The following GPC6 variants were observed in gnomAD, a reference collection of about 807,000 sequenced individuals.
GPC6 encodes the protein glypican-6.
In GPC6, 14 loss-of-function variants were observed where a neutral mutation model predicts 55.2. The observed-to-expected ratio is 0.25, with a 90% CI of 0.17 to 0.40. The LOEUF is 0.40. Ranked by LOEUF, GPC6 falls within the 10% of genes least tolerant of loss-of-function variation. The pLI is 1.00. For missense variants in GPC6, 641 were observed against 708.5 expected (o/e 0.90, Z 1.08); for synonymous variants, 278 against 259.6 (o/e 1.07, Z -0.68).
At chr13:94,246,102 C>A (rs952420151) in intron 4 of GPC6, among the ~76,000 whole-genome samples, 5 of 151,978 alleles carry the variant, frequency 3.3e-5, no homozygotes, top group Non-Finnish European at 5.9e-5. Context: ...TTTCATTTTC[C>A]TGATGATTAG....
chr13:93,544,159 A>T (rs1483479949), intron 1 of GPC6, among the ~76,000 whole-genome samples: 1 of 151,764 alleles, frequency 6.6e-6, no homozygotes, highest in Admixed American at 6.6e-5. Context: ...AAAAAAAATG[A>T]CTTCAAAACA....
intron 1 of GPC6, among the ~76,000 whole-genome samples, chr13:93,401,526 T>TA (rs55690289): frequency 0.44 from 64,537 of 145,698 alleles, 16,481 homozygotes; most frequent in Non-Finnish European, 0.6. Flanking sequence ...TAGGTTGCAC[T>TA]AAAAAAAAAA....
chr13:93,728,405 A>G (rs1883717039), intron 2 of GPC6, among the ~76,000 whole-genome samples: 1 of 149,344 alleles, frequency 6.7e-6, no homozygotes, highest in Non-Finnish European at 1.5e-5. Flanking sequence ...TATTATATAT[A>G]TATATTTTTA....
chr13:94,063,442 T>G (rs1884406028), intron 4 of GPC6, among the ~76,000 whole-genome samples: 1 of 152,228 alleles, frequency 6.6e-6, no homozygotes. Context: ...CAGATTCTAT[T>G]GCCTGAGACT....
At chr13:94,171,319 A>G (rs923550847) in intron 4 of GPC6, among the ~76,000 whole-genome samples, 2 of 152,152 alleles carry the variant, frequency 1.3e-5, no homozygotes, top group Non-Finnish European at 2.9e-5. Context: ...TTTTAGACCT[A>G]CTTTTTATGG....
chr13:94,052,085 A>C lies in GPC6; in HGVS notation c.877+24191A>C, dbSNP rs531439262. 3.3e-5 allele frequency among the ~76,000 whole-genome samples: 5 copies of C among 152,320 alleles called. No homozygotes were observed. The East Asian group carries it at 5.8e-4, about 18-fold the overall frequency. ...CAGTCTGGTGGGGAGAAAGACGCAT[A>C]AACAGTTAAATAAAGCATCATGTTA... is the stretch of plus-strand genomic sequence containing the variant. On this transcript the variant is annotated intron_variant, in intron 4 of 8. Coordinates refer to ENST00000377047, the MANE Select transcript of GPC6 (RefSeq NM_005708.5).
intron 3 of GPC6, among the ~76,000 whole-genome samples, chr13:93,937,460 A>G (rs761848871): frequency 1.3e-5 from 2 of 152,254 alleles, no homozygotes; most frequent in Non-Finnish European, 2.9e-5. Flanking sequence ...TATCTGAATT[A>G]GCTCTATATT....
Position 93,565,560 on chromosome 13 carries a change from G to GA in GPC6, c.319+20144dup, listed in dbSNP as rs911199359. Among the ~76,000 whole-genome samples the GA allele has an allele frequency of 1.1e-4, 16 of 152,220 alleles. No individual in the cohort carries two copies. The East Asian group carries it at 1.5e-3, about 15-fold the overall frequency. On this transcript the variant is annotated intron_variant, in intron 2 of 8. Transcript: ENST00000377047. ...GGACGTCATTCCTCAATTGGGCTTT[G>GA]AAAAAGTGTGTTGATATTTCTTTTT...
chr13:93,227,491 T>C lies in GPC6; in HGVS notation c.35T>C (p.Leu12Pro). Residue 12 changes from leucine (L) to proline (P), a missense_variant, in exon 1 of 9, where the codon CTC becomes CCC. By Grantham distance (98) the Leu-to-Pro change is moderately conservative. Coordinates refer to ENST00000377047, the MANE Select transcript of GPC6 (RefSeq NM_005708.5). The surrounding 1 kb of genome is among the most constrained non-coding windows in gnomAD (Gnocchi z 4.3). ...TGGATCGGGGCTGTGATTCTTCCCC[T>C]CTTGGGGCTGCTGCTCTCCCTCCCC... ...PSWIGAVILPLLGLLLSLPAG... is the reference protein window; with the variant it reads ...PSWIGAVILPPLGLLLSLPAG... The C allele has an allele frequency of 3.7e-6, 6 of 1,613,882 alleles. No homozygotes were observed. Among genetic ancestry groups the C allele is most frequent in the Non-Finnish European group, 5.1e-6 (6 of 1,179,834 alleles).
At chr13:94,177,147 T>A (rs117134001) in intron 4 of GPC6, among the ~76,000 whole-genome samples, 3,055 of 152,286 alleles carry the variant, frequency 0.02, 45 homozygotes, top group Non-Finnish European at 0.031. Context: ...ATAGCTAATG[T>A]CTGCTCTTGA....
chr13:94,138,218 A>G (rs753814502), intron 4 of GPC6, among the ~76,000 whole-genome samples: 1 of 152,176 alleles, frequency 6.6e-6, no homozygotes, highest in African/African-American at 2.4e-5. Context: ...ACCATTAAGT[A>G]TAATGCAAAT....
At position 93,996,092 on chromosome 13, in the gene GPC6, C is replaced by T. The variant is rs11839028; in HGVS notation, c.712-31637C>T. 3.4e-3 allele frequency among the ~76,000 whole-genome samples: 512 copies of T among 152,228 alleles called. 3 individuals carry two copies. The highest frequency in any genetic ancestry group is 0.012 in the African/African-American group (493 of 41,548). Reference sequence around the variant, plus strand: ...ACTTGTTATTTTTCTGCAGTTATTTCCTGGAACCATTTTTATTTGAAATCT... The same window carrying T: ...ACTTGTTATTTTTCTGCAGTTATTTTCTGGAACCATTTTTATTTGAAATCT... On this transcript the variant is annotated intron_variant, in intron 3 of 8. Coordinates refer to ENST00000377047, the MANE Select transcript of GPC6 (RefSeq NM_005708.5).
At chr13:93,553,876 G>A (rs1051748010) in intron 2 of GPC6, among the ~76,000 whole-genome samples, 4 of 116,992 alleles carry the variant, frequency 3.4e-5, no homozygotes, top group Admixed American at 1.8e-4. Context: ...ACAGTGCCTC[G>A]TGCCTGTAAT....
intron 4 of GPC6, among the ~76,000 whole-genome samples, chr13:94,236,667 A>G (rs1371851049): frequency 2.0e-5 from 3 of 152,166 alleles, no homozygotes; most frequent in African/African-American, 7.2e-5. Context: ...AAAGATACAA[A>G]ATATACCAGT....
At position 93,231,393 on chromosome 13, in the gene GPC6, A is replaced by ATACG. The variant is rs1555336149; in HGVS notation, c.160+3779_160+3780insCGTA. ...TATATATATATACATATATATATAT[A>ATACG]TATGTATATATATATATATATATAT... is the stretch of plus-strand genomic sequence containing the variant. On this transcript the variant is annotated intron_variant, in intron 1 of 8. Transcript: ENST00000377047. 2.2e-3 allele frequency among the ~76,000 whole-genome samples: 54 copies of ATACG among 24,864 alleles called. 1 individual carries two copies. The highest frequency in any genetic ancestry group is 5.1e-3 in the African/African-American group (29 of 5,664). 16.3% of individuals were successfully genotyped at this position (24,864 alleles called of 152,430 possible).
intron 1 of GPC6, among the ~76,000 whole-genome samples, chr13:93,439,374 C>T (rs1300260097): frequency 6.6e-6 from 1 of 152,090 alleles, no homozygotes; most frequent in Admixed American, 6.5e-5. Flanking sequence ...TTCTCATGTG[C>T]TGTTCTCATG....
At chr13:94,316,267 G>T (rs1428387768) in intron 6 of GPC6, among the ~76,000 whole-genome samples, 1 of 152,092 alleles carries the variant, frequency 6.6e-6, no homozygotes, top group Non-Finnish European at 1.5e-5. Context: ...TTTTCGGTCA[G>T]GCTGATTTTC....
intron 1 of GPC6, among the ~76,000 whole-genome samples, chr13:93,263,354 TG>T (rs1401717583): frequency 1.3e-5 from 2 of 152,044 alleles, no homozygotes; most frequent in African/African-American, 2.4e-5. Context: ...GTTTGTTTTT[TG>T]TTTTTTTGTT....
intron 3 of GPC6, among the ~76,000 whole-genome samples, chr13:94,014,657 T>A (rs1357108601): frequency 6.6e-6 from 1 of 152,132 alleles, no homozygotes; most frequent in Non-Finnish European, 1.5e-5. Flanking sequence ...CTTAGGCCCA[T>A]CAGCAGTCAT....
Sources: allele counts gnomAD v4.1 joint callset (sites outside exome capture counted in the v4.1 genomes callset), GRCh38; gene constraint gnomAD v4.1.1; non-coding constraint Gnocchi (gnomAD v3.1); transcripts MANE v1.5; gene names NCBI Gene and HGNC (gene_info 2026-07-23, HGNC 2026-07-21).